Variants in CALD1 observed in about 807,000 individuals in gnomAD.
The protein encoded by CALD1 is caldesmon.
CALD1 carries 33 observed loss-of-function variants against 99.9 expected under a neutral mutation model. That is an observed-to-expected ratio of 0.33 (90% CI 0.25 to 0.44). The LOEUF (loss-of-function observed/expected upper bound fraction) is 0.44, where lower values mean the gene tolerates loss of function less well. CALD1 is among the 20% of genes least tolerant of loss of function. The pLI is 1.00. For synonymous variants in CALD1, 310 were observed against 325.0 expected (o/e 0.95, Z 0.50); for missense variants, 861 against 962.1 (o/e 0.89, Z 1.39).
chr7:134,789,607 C>T (rs3823564), intron 1 of CALD1, among the ~76,000 whole-genome samples: 40,436 of 152,112 alleles, frequency 0.27, 6,730 homozygotes, highest in East Asian at 0.63. Flanking sequence ...TACAAATGGT[C>T]AGCTATTGGC....
chr7:134,796,376 A>G (rs984009525), intron 1 of CALD1, among the ~76,000 whole-genome samples: 4 of 152,186 alleles, frequency 2.6e-5, no homozygotes, highest in Admixed American at 6.5e-5. Flanking sequence ...AAACACAGAC[A>G]TGGATTTCCT....
chr7:134,903,027 C>T (rs112790851), intron 3 of CALD1, among the ~76,000 whole-genome samples: 21 of 152,012 alleles, frequency 1.4e-4, no homozygotes, highest in Non-Finnish European at 2.4e-4. Context: ...ATGCAGGAAA[C>T]GTAAGTGCAT....
chr7:134,743,690 A>G (rs1014022677), upstream of CALD1, among the ~76,000 whole-genome samples: 16 of 152,368 alleles, frequency 1.1e-4, no homozygotes, highest in African/African-American at 3.6e-4. Context: ...GTTGCTGGTT[A>G]TTAAAATATC....
chr7:134,921,134 A>T (rs1190193585), intron 3 of CALD1, among the ~76,000 whole-genome samples: 1 of 152,250 alleles, frequency 6.6e-6, no homozygotes, highest in African/African-American at 2.4e-5. Flanking sequence ...AGATTTTGAA[A>T]GAGATTCCCA....
chr7:134,924,362 A>C (rs1275226902), intron 3 of CALD1, among the ~76,000 whole-genome samples: 5 of 152,194 alleles, frequency 3.3e-5, no homozygotes, highest in African/African-American at 1.2e-4. Flanking sequence ...TGAACAATTC[A>C]GGGTACTTTT....
At chr7:134,854,998 C>T (rs1800238125) in intron 2 of CALD1, among the ~76,000 whole-genome samples, 1 of 152,220 alleles carries the variant, frequency 6.6e-6, no homozygotes, top group South Asian at 2.1e-4. Context: ...CTTTCTTCCT[C>T]CTACTCCCGC....
At chr7:134,865,648 C>T (rs1800772155) in intron 2 of CALD1, among the ~76,000 whole-genome samples, 1 of 152,164 alleles carries the variant, frequency 6.6e-6, no homozygotes, top group Admixed American at 6.5e-5. Context: ...GGGTTAAGAG[C>T]CAGTGAGGAT....
chr7:134,813,232 T>C (rs886349063), intron 1 of CALD1, among the ~76,000 whole-genome samples: 2 of 152,182 alleles, frequency 1.3e-5, no homozygotes, highest in South Asian at 2.1e-4. Flanking sequence ...GAGCAGTGAA[T>C]AGAGACAACA....
intron 1 of CALD1, among the ~76,000 whole-genome samples, chr7:134,808,434 A>G (rs1563015803): frequency 6.6e-6 from 1 of 152,154 alleles, no homozygotes; most frequent in Admixed American, 6.5e-5. Flanking sequence ...GTGCTCTGAC[A>G]AGTGCTTTTG....
chr7:134,760,417 T>G (rs1317133908), intron 1 of CALD1, among the ~76,000 whole-genome samples: 1 of 152,080 alleles, frequency 6.6e-6, no homozygotes, highest in African/African-American at 2.4e-5. Flanking sequence ...ATGTGACAAA[T>G]TAGAGGCAGA....
At chr7:134,887,485 G>A (rs146618452) in intron 3 of CALD1, among the ~76,000 whole-genome samples, 83 of 152,250 alleles carry the variant, frequency 5.5e-4, no homozygotes, top group Middle Eastern at 3.4e-3. Flanking sequence ...CTTTTCAAAC[G>A]TCCCCTTTGT....
At chr7:134,929,646 GTATATATATATATA>G (rs1159515485) in intron 4 of CALD1, among the ~76,000 whole-genome samples, 8 of 7,910 alleles carry the variant, frequency 1.0e-3, no homozygotes, top group African/African-American at 2.5e-3. Context: ...GTGTGTGTGT[GTATATATATATATA>G]TATATATATA....
chr7:134,801,513 C>T lies in CALD1; in HGVS notation c.-130+21764C>T, dbSNP rs1438325610. 2.0e-5 allele frequency among the ~76,000 whole-genome samples: 3 copies of T among 152,136 alleles called. 1 individual carries two copies. In the East Asian group the frequency reaches 5.8e-4, roughly 29 times the overall value. On this transcript the variant is annotated intron_variant, in intron 1 of 14. Transcript: ENST00000361675. The stretch of plus-strand genomic sequence containing the variant: ...TAAGCTCTTAGACTTTGTAAAAATA[C>T]ACTTTTTGCTTTTACTTTTAATTTA...
intron 1 of CALD1, among the ~76,000 whole-genome samples, chr7:134,803,360 TAAAC>T (rs1798016544): frequency 6.6e-6 from 1 of 152,172 alleles, no homozygotes; most frequent in African/African-American, 2.4e-5. Flanking sequence ...TGTATTTTGA[TAAAC>T]AAAAGTTTTA....
At chr7:134,764,505 G>C (rs1029405147) in intron 1 of CALD1, among the ~76,000 whole-genome samples, 1 of 152,082 alleles carries the variant, frequency 6.6e-6, no homozygotes, top group Admixed American at 6.6e-5. Flanking sequence ...ACACATAACA[G>C]GCACTCAAGA....
At chr7:134,881,883 A>G (rs984119478) in intron 3 of CALD1, among the ~76,000 whole-genome samples, 3 of 152,222 alleles carry the variant, frequency 2.0e-5, no homozygotes, top group Non-Finnish European at 2.9e-5. Context: ...ATTGAGGAGA[A>G]AATGCAGACG....
intron 7 of CALD1, 42 bp from the exon 8 acceptor site, chr7:134,947,466 G>C: frequency 6.5e-7 from 1 of 1,543,710 alleles, no homozygotes; most frequent in Non-Finnish European, 8.8e-7. Context: ...GAGACTACAG[G>C]CAAAAGCATG....
intron 6 of CALD1, among the ~76,000 whole-genome samples, chr7:134,939,260 G>A (rs918263086): frequency 1.8e-4 from 27 of 152,190 alleles, no homozygotes; most frequent in Admixed American, 5.2e-4. Flanking sequence ...TTTTTCTGTA[G>A]CCTCTCATGA....
At chr7:134,960,417 A>G in intron 12 of CALD1, 116 bp from the exon 13 acceptor site, 1 of 729,248 alleles carries the variant, frequency 1.4e-6, no homozygotes, top group South Asian at 1.7e-5. Context: ...ATCAAGTGTT[A>G]AGGTTTATGG....
Sources: allele counts gnomAD v4.1 joint callset (sites outside exome capture counted in the v4.1 genomes callset), GRCh38; gene constraint gnomAD v4.1.1; transcripts MANE v1.5; gene names NCBI Gene and HGNC (gene_info 2026-07-23, HGNC 2026-07-21).